The following VEPH1 variants were observed in gnomAD, a reference collection of about 807,000 sequenced individuals.
The protein encoded by VEPH1 is ventricular zone-expressed PH domain-containing protein homolog 1.
VEPH1 carries 80 observed loss-of-function variants against 85.2 expected under a neutral mutation model. That is an observed-to-expected ratio of 0.94 (90% confidence interval 0.78 to 1.13). The LOEUF is 1.13. Among genes scored for constraint, VEPH1 ranks in the 50% most tolerant of loss-of-function variants. VEPH1 has a pLI of 0.00. For synonymous variants in VEPH1, 297 were observed against 348.0 expected (o/e 0.85, Z 1.63); for missense variants, 955 against 980.5 (o/e 0.97, Z 0.35).
At position 157,460,137 on chromosome 3, in the gene VEPH1, A is replaced by G. The variant is rs1423562813; in HGVS notation, c.529+44T>C. The G allele has an allele frequency of 6.2e-6, 10 of 1,614,142 alleles. No homozygotes were observed. The South Asian group carries it at 9.9e-5, about 16-fold the overall frequency. ...AAATGCTTGATGAAAATACTTTTAA[A>G]TATCTCCCAAAACATGTCCCCAAGC... On this transcript the variant is annotated intron_variant, in intron 4 of 13. Coordinates refer to ENST00000362010, the MANE Select transcript of VEPH1 (RefSeq NM_001167912.2).
chr3:157,411,044 C>A (rs1018829231), intron 6 of VEPH1, among the ~76,000 whole-genome samples: 2 of 152,158 alleles, frequency 1.3e-5, no homozygotes, highest in Non-Finnish European at 2.9e-5. Flanking sequence ...GGATTGTAAA[C>A]AAAAGGTTGT....
rs1292663589 is a variant in VEPH1, at chr3:157,470,378, A to G, written c.290T>C (p.Phe97Ser). 1 of 1,613,998 alleles carries G rather than the reference A, an allele frequency of 6.2e-7. No individual in the cohort carries two copies. Among genetic ancestry groups the G allele is most frequent in the East Asian group, 2.2e-5 (1 of 44,866 alleles). Residue 97 changes from phenylalanine (F) to serine (S), a missense_variant, in exon 3 of 14, where the codon TTT becomes TCT. Phe to Ser is a radical substitution (Grantham distance 155). Transcript: ENST00000362010. ...DSCLEHNLRP[F>S]GKDEDTPHAK... ...ATGAGGAGTGTCTTCGTCTTTCCCA[A>G]AGGGTCTCAGGTTATGTTCCAAGCA...
chr3:157,374,142 A>G (rs1727820169), intron 7 of VEPH1, among the ~76,000 whole-genome samples: 2 of 152,214 alleles, frequency 1.3e-5, no homozygotes, highest in Admixed American at 1.3e-4. Context: ...CAGTAAGAAG[A>G]CGGGCCCAAA....
intron 11 of VEPH1, among the ~76,000 whole-genome samples, chr3:157,309,927 G>T (rs890464947): frequency 6.6e-6 from 1 of 151,968 alleles, no homozygotes; most frequent in African/African-American, 2.4e-5. Flanking sequence ...TTACAGGAAG[G>T]CACCACCATG....
chr3:157,261,975 A>G (rs112278828), intron 13 of VEPH1, among the ~76,000 whole-genome samples: 7 of 152,158 alleles, frequency 4.6e-5, no homozygotes, highest in African/African-American at 1.4e-4. Flanking sequence ...TAAGATGAAT[A>G]ATTTTAAGGG....
At position 157,449,593 on chromosome 3, in the gene VEPH1, C is replaced by T. The variant is rs79249361; in HGVS notation, c.529+10588G>A. On this transcript the variant is annotated intron_variant, in intron 4 of 13. Coordinates refer to ENST00000362010, the MANE Select transcript of VEPH1 (RefSeq NM_001167912.2). ...TTTTATAATATATTGATATCTGGTA[C>T]GGAAATTACTGCCTCTTCCTCTCCC... Among the ~76,000 whole-genome samples, 639 of 152,178 alleles carry T rather than the reference C, an allele frequency of 4.2e-3. 2 individuals are homozygous for T. The highest frequency in any genetic ancestry group is 0.014 in the African/African-American group (589 of 41,514).
At chr3:157,389,479 T>C (rs1729629248) in intron 6 of VEPH1, among the ~76,000 whole-genome samples, 1 of 152,168 alleles carries the variant, frequency 6.6e-6, no homozygotes, top group Non-Finnish European at 1.5e-5. Context: ...ACTGAAGTTT[T>C]TTGCTACTCT....
intron 9 of VEPH1, among the ~76,000 whole-genome samples, chr3:157,356,053 T>C (rs961249407): frequency 1.3e-5 from 2 of 151,932 alleles, no homozygotes; most frequent in African/African-American, 4.8e-5. Flanking sequence ...GTGCACATCA[T>C]GGCTGGCTTA....
chr3:157,435,882 A>G (rs769298947), intron 4 of VEPH1, among the ~76,000 whole-genome samples: 10 of 152,240 alleles, frequency 6.6e-5, no homozygotes, highest in Non-Finnish European at 1.5e-4. Context: ...TCCACATAAT[A>G]CCAAGTTATG....
chr3:157,411,014 C>T (rs1239712620), intron 6 of VEPH1, among the ~76,000 whole-genome samples: 3 of 152,190 alleles, frequency 2.0e-5, no homozygotes, highest in Admixed American at 1.3e-4. Context: ...TCATATTCAG[C>T]TTTAGTCTAT....
At chr3:157,415,747 T>G (rs1156240511) in intron 5 of VEPH1, among the ~76,000 whole-genome samples, 1 of 152,204 alleles carries the variant, frequency 6.6e-6, no homozygotes, top group Non-Finnish European at 1.5e-5. Flanking sequence ...ATGAATTTTT[T>G]TTAAAAATTC....
At chr3:157,422,980 G>A (rs777407526) in intron 5 of VEPH1, among the ~76,000 whole-genome samples, 7 of 152,132 alleles carry the variant, frequency 4.6e-5, no homozygotes, top group Non-Finnish European at 7.3e-5. Context: ...GTCAATGCCT[G>A]TCTCTTGTCT....
chr3:157,408,554 G>C (rs1022847974), intron 6 of VEPH1, among the ~76,000 whole-genome samples: 11 of 152,160 alleles, frequency 7.2e-5, no homozygotes, highest in African/African-American at 2.7e-4. Context: ...TCCCCTGGAA[G>C]CTGAGAGGTA....
chr3:157,410,266 G>A (rs1731431042), intron 6 of VEPH1, among the ~76,000 whole-genome samples: 1 of 152,096 alleles, frequency 6.6e-6, no homozygotes, highest in Non-Finnish European at 1.5e-5. Flanking sequence ...AAATCCCCAT[G>A]CCTTATATGG....
chr3:157,365,480 A>G (rs1027742776), intron 7 of VEPH1, among the ~76,000 whole-genome samples: 11 of 152,090 alleles, frequency 7.2e-5, no homozygotes, highest in African/African-American at 2.4e-4. Flanking sequence ...CTAGACACCA[A>G]CTGGGTGTCC....
chr3:157,269,642 G>GTTTTTTTTTTTTTTTTTTTTTTTTTTTT (rs11408861), intron 12 of VEPH1, among the ~76,000 whole-genome samples: 17 of 115,458 alleles, frequency 1.5e-4, no homozygotes, highest in East Asian at 2.4e-4. Flanking sequence ...TGTTTTTGTT[G>GTTTTTTTTTTTTTTTTTTTTTTTTTTTT]TTTTTTTTTT....
chr3:157,378,217 G>C (rs1223315278), intron 7 of VEPH1, among the ~76,000 whole-genome samples: 1 of 151,130 alleles, frequency 6.6e-6, no homozygotes, highest in Non-Finnish European at 1.5e-5. Context: ...TCTTTTTAAT[G>C]ATGCTGGCCT....
intron 4 of VEPH1, among the ~76,000 whole-genome samples, chr3:157,454,135 T>G (rs1013988265): frequency 6.6e-5 from 10 of 152,180 alleles, no homozygotes; most frequent in Non-Finnish European, 1.3e-4. Context: ...TGTGTATAAG[T>G]GTTTTAAATT....
chr3:157,432,587 A>G (rs1423388483), intron 4 of VEPH1, among the ~76,000 whole-genome samples: 2 of 152,222 alleles, frequency 1.3e-5, no homozygotes, highest in Non-Finnish European at 2.9e-5. Flanking sequence ...CCTCTTTCAT[A>G]TATTAGGTTT....
Sources: gnomAD v4.1 joint callset for allele counts (sites outside exome capture counted in the v4.1 genomes callset) on GRCh38, gnomAD v4.1.1 for gene constraint, MANE v1.5 for transcripts, NCBI Gene and HGNC (gene_info 2026-07-23, HGNC 2026-07-21) for gene names.